CADM2: variants seen among roughly 807,000 people sequenced by gnomAD.
CADM2 encodes the protein immunoglobulin superfamily member 4D.
Under a neutral mutation model 49.8 loss-of-function variants are expected in CADM2, and 12 were observed. That is an observed-to-expected ratio of 0.24 (90% CI 0.15 to 0.39). The LOEUF (loss-of-function observed/expected upper bound fraction) is 0.39. Ranked by LOEUF, CADM2 falls within the 10% of genes least tolerant of loss-of-function variation. The pLI is 1.00. For missense variants in CADM2, 378 were observed against 492.3 expected (o/e 0.77, Z 2.20); for synonymous variants, 214 against 175.4 (o/e 1.22, Z -1.74).
intron 1 of CADM2, among the ~76,000 whole-genome samples, chr3:85,066,819 C>G (rs914317038): frequency 1.1e-4 from 17 of 152,290 alleles, no homozygotes; most frequent in African/African-American, 4.1e-4. Context: ...TGTAAATACT[C>G]TGTAAACTTC....
chr3:85,451,840 G>T (rs73843618), intron 1 of CADM2, among the ~76,000 whole-genome samples: 3,160 of 152,116 alleles, frequency 0.021, 105 homozygotes, highest in African/African-American at 0.072. Context: ...AGCTATTATC[G>T]TGAAGTGTCA....
At chr3:85,432,336 C>T (rs1032643687) in intron 1 of CADM2, among the ~76,000 whole-genome samples, 3 of 151,856 alleles carry the variant, frequency 2.0e-5, no homozygotes, top group South Asian at 2.1e-4. Flanking sequence ...CCAGAGCAGT[C>T]GCAGAGGGAG....
At chr3:85,477,271 CAT>C (rs10553507) in intron 1 of CADM2, among the ~76,000 whole-genome samples, 2,680 of 146,970 alleles carry the variant, frequency 0.018, 49 homozygotes, top group African/African-American at 0.054. Context: ...CACACACACA[CAT>C]ACAGACACGT....
Position 86,043,268 on chromosome 3 carries a change from T to A in CADM2, c.971-22337T>A, listed in dbSNP as rs545304999. 1.2e-4 allele frequency among the ~76,000 whole-genome samples: 18 copies of A among 152,232 alleles called. No individual in the cohort carries two copies. In the East Asian group the frequency reaches 3.3e-3, roughly 28 times the overall value. On this transcript the variant is annotated intron_variant, in intron 8 of 9. Coordinates refer to ENST00000383699, the MANE Select transcript of CADM2 (RefSeq NM_001167675.2). Reference sequence around the variant, plus strand: ...GAGAAAGAAATGAAGGGTATTCAGTTAGGAAAAGAGGAAGTCAAATTGTCC... The same window carrying A: ...GAGAAAGAAATGAAGGGTATTCAGTAAGGAAAAGAGGAAGTCAAATTGTCC...
At chr3:85,223,575 A>C (rs1178947782) in intron 1 of CADM2, among the ~76,000 whole-genome samples, 1 of 152,098 alleles carries the variant, frequency 6.6e-6, no homozygotes, top group African/African-American at 2.4e-5. Flanking sequence ...AGGTAAAGGA[A>C]GACAAATGTT....
chr3:86,020,674 TG>T (rs1415327002), intron 8 of CADM2, among the ~76,000 whole-genome samples: 3 of 152,134 alleles, frequency 2.0e-5, no homozygotes, highest in Non-Finnish European at 4.4e-5. Context: ...GATGCAAGGC[TG>T]GTTCAATATA....
At chr3:85,072,153 T>G (rs1320556449) in intron 1 of CADM2, among the ~76,000 whole-genome samples, 2 of 151,876 alleles carry the variant, frequency 1.3e-5, no homozygotes, top group African/African-American at 4.8e-5. Flanking sequence ...ATGAATAAAA[T>G]TAAACATTCT....
intron 5 of CADM2, among the ~76,000 whole-genome samples, chr3:85,887,751 A>G (rs1713863005): frequency 1.3e-5 from 2 of 152,132 alleles, no homozygotes; most frequent in Non-Finnish European, 2.9e-5. Context: ...AGGCTCAGTA[A>G]CATCCATTCT....
At chr3:85,048,079 T>C (rs1007442784) in intron 1 of CADM2, among the ~76,000 whole-genome samples, 22 of 152,274 alleles carry the variant, frequency 1.4e-4, no homozygotes, top group Non-Finnish European at 2.9e-4. Context: ...AATACTTTTT[T>C]TTCAAGGAAC....
intron 1 of CADM2, among the ~76,000 whole-genome samples, chr3:85,008,444 G>A (rs2033842625): frequency 6.6e-6 from 1 of 152,032 alleles, no homozygotes; most frequent in South Asian, 2.1e-4. Flanking sequence ...TGCAAATTGT[G>A]AGGGCGCTTT....
intron 3 of CADM2, among the ~76,000 whole-genome samples, chr3:85,820,173 G>A (rs1453109660): frequency 2.6e-5 from 4 of 152,070 alleles, no homozygotes; most frequent in Admixed American, 2.0e-4. Flanking sequence ...TAGAGGAGAG[G>A]AAGGCAGAGG....
At chr3:85,032,102 T>A (rs1390521203) in intron 1 of CADM2, among the ~76,000 whole-genome samples, 1 of 152,134 alleles carries the variant, frequency 6.6e-6, no homozygotes, top group Admixed American at 6.5e-5. Context: ...AAACTGGTCA[T>A]CTATATGCCA....
intron 1 of CADM2, among the ~76,000 whole-genome samples, chr3:85,230,140 T>C (rs1043276404): frequency 6.6e-6 from 1 of 152,176 alleles, no homozygotes; most frequent in Non-Finnish European, 1.5e-5. Context: ...AAATGGCATA[T>C]TTAAAAACCT....
intron 2 of CADM2, among the ~76,000 whole-genome samples, chr3:85,796,764 T>G (rs369879818): frequency 4.6e-4 from 70 of 152,220 alleles, no homozygotes; most frequent in Non-Finnish European, 9.3e-4. Context: ...AGCATTTTAT[T>G]TATTGAGCCA....
At chr3:85,430,581 A>T (rs944793780) in intron 1 of CADM2, among the ~76,000 whole-genome samples, 1 of 151,178 alleles carries the variant, frequency 6.6e-6, no homozygotes, top group Non-Finnish European at 1.5e-5. Context: ...GTGTAATTCT[A>T]ACCAAGAATT....
At chr3:85,937,098 C>A (rs966596051) in intron 7 of CADM2, among the ~76,000 whole-genome samples, 1 of 151,692 alleles carries the variant, frequency 6.6e-6, no homozygotes, top group South Asian at 2.1e-4. Context: ...TATCTACTTC[C>A]AACAGTAGAA....
intron 1 of CADM2, among the ~76,000 whole-genome samples, chr3:85,598,371 C>T (rs1020480079): frequency 1.3e-5 from 2 of 151,788 alleles, no homozygotes; most frequent in African/African-American, 4.8e-5. Flanking sequence ...TCAGGTTCCT[C>T]CAGGATAGTA....
intron 1 of CADM2, among the ~76,000 whole-genome samples, chr3:85,198,007 T>A (rs1340286190): frequency 6.6e-6 from 1 of 151,912 alleles, no homozygotes; most frequent in Non-Finnish European, 1.5e-5. Context: ...AATATTTCAC[T>A]GATATCCTAG....
At chr3:85,817,885 C>T (rs550873010) in intron 3 of CADM2, among the ~76,000 whole-genome samples, 78 of 151,996 alleles carry the variant, frequency 5.1e-4, no homozygotes, top group African/African-American at 1.7e-3. Context: ...TCTCATGTCT[C>T]GGTGTGTAGG....
Sources: allele counts gnomAD v4.1 joint callset (sites outside exome capture counted in the v4.1 genomes callset), GRCh38; gene constraint gnomAD v4.1.1; transcripts MANE v1.5; gene names NCBI Gene and HGNC (gene_info 2026-07-23, HGNC 2026-07-21).